Variants in IL1RAPL2 observed in about 807,000 individuals in gnomAD.
IL1RAPL2 encodes X-linked interleukin-1 receptor accessory protein-like 2.
IL1RAPL2 carries 3 observed loss-of-function variants against 44.1 expected under a neutral mutation model. The ratio of observed to expected loss-of-function variants is 0.07; its 90% CI spans 0.03 to 0.18. IL1RAPL2 has a LOEUF of 0.18. Ranked by LOEUF, IL1RAPL2 falls within the 10% of genes least tolerant of loss-of-function variation. The pLI is 1.00. For synonymous variants in IL1RAPL2, 181 were observed against 178.8 expected, an observed-to-expected ratio of 1.01 and a Z score of -0.10; for missense variants, 391 against 496.4, an observed-to-expected ratio of 0.79 and a Z score of 2.02.
intron 6 of IL1RAPL2, among the ~76,000 whole-genome samples, chrX:105,711,476 A>G (rs1008708862): frequency 9.0e-6 from 1 of 110,950 alleles, no homozygotes; most frequent in East Asian, 2.9e-4. Context: ...TTACCTAATC[A>G]CCTCTTAAAG....
intron 2 of IL1RAPL2, among the ~76,000 whole-genome samples, chrX:104,733,956 C>T (rs1931969325): frequency 9.0e-6 from 1 of 110,633 alleles, no homozygotes; most frequent in South Asian, 3.8e-4. Context: ...AAAACAACAG[C>T]CTAATTTAAA....
chrX:105,400,710 G>C (rs1478949119), intron 5 of IL1RAPL2, among the ~76,000 whole-genome samples: 1 of 111,868 alleles, frequency 8.9e-6, no homozygotes, highest in Admixed American at 9.5e-5. Flanking sequence ...ACTTCACTAA[G>C]TTAACTTGTC....
At chrX:105,262,338 G>A (rs2034366196) in intron 4 of IL1RAPL2, among the ~76,000 whole-genome samples, 1 of 111,747 alleles carries the variant, frequency 8.9e-6, no homozygotes, top group Admixed American at 9.5e-5. Flanking sequence ...GTTGTCTCTA[G>A]ACTGCTATAG....
chrX:105,429,674 G>A (rs1489769995), intron 5 of IL1RAPL2, among the ~76,000 whole-genome samples: 1 of 111,676 alleles, frequency 9.0e-6, no homozygotes, highest in Non-Finnish European at 1.9e-5. Context: ...AATATTTTCT[G>A]CTTTGTGAAC....
At chrX:105,016,692 G>A (rs2031184989) in intron 2 of IL1RAPL2, among the ~76,000 whole-genome samples, 1 of 111,711 alleles carries the variant, frequency 9.0e-6, no homozygotes, top group African/African-American at 3.2e-5. Context: ...TAAGCTTTTC[G>A]ATGTGCTGCT....
chrX:104,894,431 T>C, intron 2 of IL1RAPL2, among the ~76,000 whole-genome samples: 1 of 112,245 alleles, frequency 8.9e-6, no homozygotes, highest in Admixed American at 9.5e-5. Context: ...CAATCAGATG[T>C]AGATTTGGTC....
At chrX:104,741,820 A>T (rs1392194675) in intron 2 of IL1RAPL2, among the ~76,000 whole-genome samples, 1 of 111,171 alleles carries the variant, frequency 9.0e-6, no homozygotes, top group Non-Finnish European at 1.9e-5. Flanking sequence ...ATCAATTTTG[A>T]CATTCAGTGC....
chrX:105,486,833 T>G (rs2036271932), intron 6 of IL1RAPL2, among the ~76,000 whole-genome samples: 1 of 110,109 alleles, frequency 9.1e-6, no homozygotes, highest in African/African-American at 3.3e-5. Flanking sequence ...TGGCTCATGC[T>G]TGTAATCCCA....
At chrX:105,142,673 A>C (rs2033136230) in intron 2 of IL1RAPL2, among the ~76,000 whole-genome samples, 1 of 109,100 alleles carries the variant, frequency 9.2e-6, no homozygotes, top group African/African-American at 3.4e-5. Context: ...ACATGCACGT[A>C]ACATGCAGGT....
intron 6 of IL1RAPL2, among the ~76,000 whole-genome samples, chrX:105,580,343 T>C (rs1160353060): frequency 9.2e-6 from 1 of 108,450 alleles, no homozygotes; most frequent in Non-Finnish European, 1.9e-5. Context: ...TGAAAACTGA[T>C]GTTAAGTGAA....
chrX:105,171,296 C>A lies in IL1RAPL2; in HGVS notation c.83-24179C>A, dbSNP rs181016045. On this transcript the variant is annotated intron_variant, in intron 2 of 10. Coordinates refer to ENST00000372582, the MANE Select transcript of IL1RAPL2 (RefSeq NM_017416.2). ...GAACCTGTGACAGAGACCTCTGGGG[C>A]CCATGGTAGGAGAAGTTTCCCAGGA... is the stretch of plus-strand genomic sequence containing the variant. Among the ~76,000 whole-genome samples the A allele has an allele frequency of 1.5e-4, 17 of 110,913 alleles. 1 individual carries two copies. The highest frequency in any genetic ancestry group is 5.8e-4 in the Admixed American group (6 of 10,419).
chrX:105,235,217 G>A (rs2034109912), intron 4 of IL1RAPL2, among the ~76,000 whole-genome samples: 1 of 111,626 alleles, frequency 9.0e-6, no homozygotes, highest in African/African-American at 3.3e-5. Flanking sequence ...GGATCTAGGG[G>A]AAGAAGCAGA....
chrX:105,143,338 GA>G (rs2033144454), intron 2 of IL1RAPL2, among the ~76,000 whole-genome samples: 1 of 112,076 alleles, frequency 8.9e-6, no homozygotes, highest in Non-Finnish European at 1.9e-5. Flanking sequence ...AAAAACACAT[GA>G]AAAAATGCTC....
chrX:105,420,570 G>A (rs762524493), intron 5 of IL1RAPL2, among the ~76,000 whole-genome samples: 6 of 111,562 alleles, frequency 5.4e-5, no homozygotes, highest in South Asian at 3.7e-4. Context: ...AGGAGTGTGC[G>A]TATCAAAAAA....
intron 2 of IL1RAPL2, among the ~76,000 whole-genome samples, chrX:104,962,214 T>C (rs189290310): frequency 8.9e-6 from 1 of 112,258 alleles, no homozygotes; most frequent in East Asian, 2.8e-4. Flanking sequence ...TGTTTCCTAG[T>C]GTAGGCTCAA....
chrX:105,389,655 G>A (rs778022826), intron 5 of IL1RAPL2, among the ~76,000 whole-genome samples: 34 of 111,504 alleles, frequency 3.0e-4, no homozygotes, highest in Admixed American at 4.8e-4. Flanking sequence ...ACAGAGGATG[G>A]TTCACTTTGC....
intron 7 of IL1RAPL2, among the ~76,000 whole-genome samples, chrX:105,738,958 T>G (rs1278024953): frequency 9.1e-6 from 1 of 110,452 alleles, no homozygotes; most frequent in Non-Finnish European, 1.9e-5. Flanking sequence ...TTAGCATTTT[T>G]GGGGGATTAG....
chrX:105,172,357 A>G (rs1380050123), intron 2 of IL1RAPL2, among the ~76,000 whole-genome samples: 1 of 112,460 alleles, frequency 8.9e-6, no homozygotes, highest in Non-Finnish European at 1.9e-5. Context: ...TTTGTATGTC[A>G]GAAGTCTAGG....
At chrX:105,546,130 T>A (rs1489075246) in intron 6 of IL1RAPL2, among the ~76,000 whole-genome samples, 1 of 111,187 alleles carries the variant, frequency 9.0e-6, no homozygotes, top group Non-Finnish European at 1.9e-5. Context: ...CACACCCTAA[T>A]AAAATTTATG....
Sources: allele counts gnomAD v4.1 joint callset (sites outside exome capture counted in the v4.1 genomes callset), GRCh38; gene constraint gnomAD v4.1.1; transcripts MANE v1.5; gene names NCBI Gene and HGNC (gene_info 2026-07-23, HGNC 2026-07-21).